The following GSE1 variants were observed in gnomAD, a reference collection of about 807,000 sequenced individuals.
GSE1 encodes the protein genetic suppressor element 1.
In GSE1, 32 loss-of-function variants were observed where a neutral mutation model predicts 112.6. That is an observed-to-expected ratio of 0.28 (90% CI 0.21 to 0.38). The LOEUF is 0.38. Ranked by LOEUF, GSE1 falls within the 10% of genes least tolerant of loss-of-function variation. The probability of loss-of-function intolerance (pLI) is 1.00; values close to 1 mark genes in which losing one functional copy is unlikely to be tolerated. For synonymous variants in GSE1, 1,115 were observed against 735.6 expected (o/e 1.52, Z -8.35); for missense variants, 2,348 against 1,699.2 (o/e 1.38, Z -6.71).
At chr16:85,640,419 C>T (rs745854269) in intron 2 of GSE1, among the ~76,000 whole-genome samples, 16 of 152,254 alleles carry the variant, frequency 1.1e-4, no homozygotes, top group Admixed American at 2.0e-4. Flanking sequence ...GGGGCTGGAA[C>T]TGCTCTCTTG....
At chr16:85,376,110 C>T (rs1451430250) in intron 2 of GSE1, among the ~76,000 whole-genome samples, 1 of 152,154 alleles carries the variant, frequency 6.6e-6, no homozygotes, top group Non-Finnish European at 1.5e-5. Flanking sequence ...CTCACCCCCG[C>T]CAAAGAAGGT....
At chr16:85,228,661 A>C (rs1414533671) in intron 1 of GSE1, among the ~76,000 whole-genome samples, 3 of 152,210 alleles carry the variant, frequency 2.0e-5, no homozygotes, top group African/African-American at 4.8e-5. Flanking sequence ...TCCAGGCCCC[A>C]CGAGAATGGC....
chr16:85,657,229 G>A (rs781583435), intron 7 of GSE1, 48 bp from the exon 8 acceptor site: 4 of 1,313,408 alleles, frequency 3.0e-6, no homozygotes, highest in Non-Finnish European at 4.2e-6. Flanking sequence ...GAGGGAGCAT[G>A]CTGGCCCACG....
At chr16:85,562,573 G>A (rs1427373302) in intron 1 of GSE1, among the ~76,000 whole-genome samples, 1 of 152,230 alleles carries the variant, frequency 6.6e-6, no homozygotes, top group Non-Finnish European at 1.5e-5. Context: ...CTACGCAGGG[G>A]AAAGTGCAGG....
In GSE1 at chr16:85,673,537, A is replaced by C. The variant is rs961709787; in HGVS notation, c.*998A>C. On this transcript the variant is annotated 3_prime_UTR_variant, in exon 16 of 16. Transcript: ENST00000253458. ...GTACTGCTGCTGGTCAGGACATTAA[A>C]ATATTGAAGTGTTTTTAAAAATTAA... The C allele has an allele frequency of 6.6e-6, 1 of 151,986 alleles. No homozygotes were observed. The highest frequency in any genetic ancestry group is 2.4e-5 in the African/African-American group (1 of 41,036). The allele number at this position is 151,986 out of a possible 1,614,324, so 9.4% of individuals were successfully genotyped here.
intron 11 of GSE1, 100 bp downstream of exon 11, chr16:85,663,714 T>C: frequency 1.6e-6 from 2 of 1,216,494 alleles, no homozygotes; most frequent in Non-Finnish European, 2.3e-6. Context: ...GGATCTGCGA[T>C]CACTGAGCCT....
rs772211252 is a variant in GSE1 at position 85,656,435 on chromosome 16, G to C, written c.1082G>C (p.Arg361Pro). Residue 361 changes from arginine to proline, a missense_variant, in exon 7 of 16, where the codon CGT becomes CCT. Coordinates refer to ENST00000253458, the MANE Select transcript of GSE1 (RefSeq NM_014615.5). ...READREREKEREREREKEREQ... is the reference protein window; with the variant it reads ...READREREKEPEREREKEREQ... ...GCTGACCGCGAGCGGGAGAAGGAAC[G>C]TGAGCGCGAACGCGAGAAGGAGCGC... The C allele has an allele frequency of 6.4e-7, 1 of 1,567,082 alleles. No homozygotes were observed. The highest frequency in any genetic ancestry group is 2.3e-5 in the East Asian group (1 of 43,476).
In GSE1 at chr16:85,588,021, C is replaced by G. The variant is rs2046788767; in HGVS notation, c.37+31658C>G. 2.6e-5 allele frequency among the ~76,000 whole-genome samples: 4 copies of G among 152,196 alleles called. No homozygotes were observed. The South Asian group carries it at 8.3e-4, about 32-fold the overall frequency. Reference sequence around the variant, plus strand: ...CTGGCTGTCACCGTCCCCCGCCTCTCTACAGGGGAGGCAGTGTCTCTTCGT... The same window carrying G: ...CTGGCTGTCACCGTCCCCCGCCTCTGTACAGGGGAGGCAGTGTCTCTTCGT... On this transcript the variant is annotated intron_variant, in intron 1 of 2. Coordinates refer to the GSE1 transcript ENST00000635906.
At chr16:85,241,660 T>C (rs551845595) in intron 1 of GSE1, among the ~76,000 whole-genome samples, 1 of 152,276 alleles carries the variant, frequency 6.6e-6, no homozygotes, top group South Asian at 2.1e-4. Context: ...GAACAGGGAT[T>C]CAAACTCAGG....
At chr16:85,235,595 C>T (rs1221176180) in intron 1 of GSE1, among the ~76,000 whole-genome samples, 2 of 149,474 alleles carry the variant, frequency 1.3e-5, no homozygotes, top group South Asian at 2.2e-4. Context: ...GGCGCGTGTT[C>T]TCGCCCCTCC....
At position 85,674,200 on chromosome 16, in the gene GSE1, G is replaced by T. The variant is rs1214583852; in HGVS notation, c.*1661G>T. 1.3e-5 allele frequency: 2 copies of T among 151,716 alleles called. No individual in the cohort carries two copies. Among genetic ancestry groups the T allele is most frequent in the Non-Finnish European group, 2.9e-5 (2 of 68,100 alleles). 9.4% of individuals were successfully genotyped at this position (151,716 alleles called of 1,614,324 possible). A position where few individuals can be genotyped will look rare whatever the true frequency, so the allele number is the denominator to read the frequency against. On this transcript the variant is annotated 3_prime_UTR_variant, in exon 16 of 16. Transcript: ENST00000253458. ...TGCCGGCTGCTCACTGCTGTGACCA[G>T]CAGCCGAGCCCTTGGCCCTAGCCCT...
At chr16:85,387,421 GC>G (rs1168873594) in intron 2 of GSE1, among the ~76,000 whole-genome samples, 2 of 152,130 alleles carry the variant, frequency 1.3e-5, no homozygotes, top group Non-Finnish European at 1.5e-5. Flanking sequence ...CTGTGGTCCT[GC>G]CCCAGGGCCT....
chr16:85,537,469 G>T (rs1241456976), intron 2 of GSE1, among the ~76,000 whole-genome samples: 1 of 152,188 alleles, frequency 6.6e-6, no homozygotes, highest in Non-Finnish European at 1.5e-5. Flanking sequence ...GGCCCAACCT[G>T]GGGTCAACGG....
chr16:85,300,585 G>C (rs914265343), intron 1 of GSE1, among the ~76,000 whole-genome samples: 1 of 152,198 alleles, frequency 6.6e-6, no homozygotes, highest in Non-Finnish European at 1.5e-5. Context: ...CAGCAGCGTC[G>C]TCAGGGTCTA....
At chr16:85,624,264 C>G (rs2048924092) in intron 1 of GSE1, among the ~76,000 whole-genome samples, 1 of 152,218 alleles carries the variant, frequency 6.6e-6, no homozygotes, top group Admixed American at 6.5e-5. Flanking sequence ...GTTCCTCTGC[C>G]CAGGGCCTCT....
At chr16:85,371,934 C>T (rs960748076) in intron 2 of GSE1, among the ~76,000 whole-genome samples, 1 of 152,194 alleles carries the variant, frequency 6.6e-6, no homozygotes, top group Non-Finnish European at 1.5e-5. Context: ...AGGAGCCAGG[C>T]AGCCCTGGCT....
At chr16:85,455,430 AAAG>A (rs1387909252) in intron 2 of GSE1, among the ~76,000 whole-genome samples, 1 of 152,174 alleles carries the variant, frequency 6.6e-6, no homozygotes, top group African/African-American at 2.4e-5. Flanking sequence ...AGAAAAGAAA[AAAG>A]AAACTCCACC....
chr16:85,525,947 G>T (rs956629479), intron 2 of GSE1, among the ~76,000 whole-genome samples: 7 of 152,202 alleles, frequency 4.6e-5, no homozygotes, highest in Non-Finnish European at 8.8e-5. Context: ...ACACCAGCCA[G>T]CAGCCTTGGA....
At chr16:85,651,890 G>A (rs2051388273) in intron 3 of GSE1, among the ~76,000 whole-genome samples, 1 of 152,200 alleles carries the variant, frequency 6.6e-6, no homozygotes, top group East Asian at 1.9e-4. Flanking sequence ...GGATGCTGGG[G>A]GGCCAGGGGC....
Sources: gnomAD v4.1 joint callset for allele counts (sites outside exome capture counted in the v4.1 genomes callset) on GRCh38, gnomAD v4.1.1 for gene constraint, MANE v1.5 for transcripts, NCBI Gene and HGNC (gene_info 2026-07-23, HGNC 2026-07-21) for gene names.